IQSEC3: variants seen among roughly 807,000 people sequenced by gnomAD.
IQSEC3 encodes IQ motif and Sec7 domain ArfGEF 3.
IQSEC3 carries 50 observed loss-of-function variants against 105.4 expected under a neutral mutation model. The observed-to-expected ratio is 0.47, with a 90% CI of 0.38 to 0.60. The LOEUF (loss-of-function observed/expected upper bound fraction) is 0.60. IQSEC3 is among the 20% of genes least tolerant of loss of function. IQSEC3 has a pLI of 0.00. For synonymous variants in IQSEC3, 708 were observed against 746.0 expected (o/e 0.95, Z 0.83); for missense variants, 1,415 against 1,630.0 (o/e 0.87, Z 2.27).
chr12:120,833 A>G lies in IQSEC3; in HGVS notation c.624-4800A>G, dbSNP rs376815398. Among the ~76,000 whole-genome samples the G allele has an allele frequency of 1.1e-3, 170 of 152,292 alleles. 2 individuals carry two copies. Among genetic ancestry groups the G allele is most frequent in the African/African-American group, 4.0e-3 (166 of 41,556 alleles). ...AGCCTAATGTCATGTGAACACATCAAAGCTTTCTGTGGAAAGCTTTCTGAA... is the reference window on the plus strand; with the variant it reads ...AGCCTAATGTCATGTGAACACATCAGAGCTTTCTGTGGAAAGCTTTCTGAA... On this transcript the variant is annotated intron_variant, in intron 2 of 13. Transcript: ENST00000538872.
rs1866717619 is a variant in IQSEC3 at position 157,148 on chromosome 12, G to A, written c.2276+1G>A. The A allele has an allele frequency of 1.9e-6, 3 of 1,568,948 alleles. No individual in the cohort carries two copies. The highest frequency in any genetic ancestry group is 2.7e-5 in the African/African-American group (2 of 73,832). The stretch of plus-strand genomic sequence containing the variant: ...TGGAGCGGCTCATTGAGGCCTTCAG[G>A]TAAGGCCGCTTCCCAGCTCCACTCC... On this transcript the variant is annotated splice_donor_variant, in intron 6 of 13. Coordinates refer to ENST00000538872, the MANE Select transcript of IQSEC3 (RefSeq NM_001170738.2). LOFTEE classifies it high-confidence loss of function.
At chr12:164,269 C>G (rs1867064949) in intron 9 of IQSEC3, among the ~76,000 whole-genome samples, 1 of 152,170 alleles carries the variant, frequency 6.6e-6, no homozygotes, top group Non-Finnish European at 1.5e-5. Context: ...TGAACCACCT[C>G]TCACCACCTC....
intron 7 of IQSEC3, 26 bp from the exon 8 acceptor site, chr12:161,900 C>A: frequency 6.4e-7 from 1 of 1,561,654 alleles, no homozygotes; most frequent in Non-Finnish European, 8.7e-7. Context: ...ACCCCACCAC[C>A]ACCCCTGCCC....
At chr12:134,757 G>A (rs1299039745) in intron 3 of IQSEC3, among the ~76,000 whole-genome samples, 1 of 149,890 alleles carries the variant, frequency 6.7e-6, no homozygotes, top group East Asian at 1.9e-4. Flanking sequence ...AGTTAGCCAG[G>A]CACAGTGGCA....
intron 1 of IQSEC3, among the ~76,000 whole-genome samples, chr12:76,810 T>C (rs1256920426): frequency 2.0e-5 from 3 of 152,252 alleles, no homozygotes; most frequent in African/African-American, 7.2e-5. Context: ...AAAGCTGTAG[T>C]GTGATTTTCC....
At chr12:156,912 G>A (rs1555094425) in intron 5 of IQSEC3, 113 bp from the exon 6 acceptor site, 15 of 1,292,710 alleles carry the variant, frequency 1.2e-5, no homozygotes, top group Non-Finnish European at 1.4e-5. Context: ...CCGGGGGTGA[G>A]TAGCCTGAGG....
intron 1 of IQSEC3, among the ~76,000 whole-genome samples, chr12:76,686 G>A (rs1436009257): frequency 1.3e-5 from 2 of 152,248 alleles, no homozygotes; most frequent in Non-Finnish European, 2.9e-5. Flanking sequence ...CCCCAGAGGC[G>A]TGAGCTCCTG....
At chr12:102,611 G>A (rs141431464) in intron 2 of IQSEC3, among the ~76,000 whole-genome samples, 2 of 152,178 alleles carry the variant, frequency 1.3e-5, no homozygotes. Context: ...CCCTCCCGAA[G>A]AGGCAGAGAA....
At chr12:109,854 TTCTA>T (rs1390481210) in intron 2 of IQSEC3, among the ~76,000 whole-genome samples, 1 of 152,254 alleles carries the variant, frequency 6.6e-6, no homozygotes, top group African/African-American at 2.4e-5. Context: ...CGTTTTCTTT[TTCTA>T]TCTATCTCTA....
intron 2 of IQSEC3, among the ~76,000 whole-genome samples, chr12:104,555 A>C (rs1414497651): frequency 2.6e-4 from 35 of 135,014 alleles, no homozygotes; most frequent in South Asian, 2.1e-3. Flanking sequence ...TCCCACGCCC[A>C]TTTTAAAAAA....
intron 9 of IQSEC3, among the ~76,000 whole-genome samples, chr12:163,957 A>G (rs1324891604): frequency 4.6e-5 from 7 of 152,194 alleles, no homozygotes; most frequent in Non-Finnish European, 1.0e-4. Flanking sequence ...TGTGCCTCAG[A>G]CCCCAGGGCC....
At chr12:88,407 G>A (rs553930169) in intron 1 of IQSEC3, among the ~76,000 whole-genome samples, 2 of 152,268 alleles carry the variant, frequency 1.3e-5, no homozygotes, top group East Asian at 3.9e-4. Flanking sequence ...ATAATAAAGG[G>A]GCAGGTCACT....
intron 1 of IQSEC3, among the ~76,000 whole-genome samples, chr12:87,486 A>G (rs964074526): frequency 2.0e-5 from 3 of 152,054 alleles, no homozygotes; most frequent in African/African-American, 7.2e-5. Flanking sequence ...ATCACTAGGG[A>G]CCTCCCTAGA....
intron 1 of IQSEC3, among the ~76,000 whole-genome samples, chr12:95,524 T>A (rs1164709873): frequency 1.3e-5 from 2 of 152,220 alleles, no homozygotes; most frequent in Non-Finnish European, 2.9e-5. Flanking sequence ...TATTTAACAT[T>A]GTCAGTCAAC....
At chr12:96,398 G>A (rs1183724950) in intron 1 of IQSEC3, among the ~76,000 whole-genome samples, 2 of 152,144 alleles carry the variant, frequency 1.3e-5, no homozygotes, top group African/African-American at 4.8e-5. Flanking sequence ...AAAAAGGTGC[G>A]AGACTCTTAA....
At chr12:162,804 C>T (rs1310914671) in intron 8 of IQSEC3, among the ~76,000 whole-genome samples, 2 of 152,140 alleles carry the variant, frequency 1.3e-5, no homozygotes, top group African/African-American at 2.4e-5. Flanking sequence ...GTGATCCCTT[C>T]GCTCTCGCAC....
chr12:160,495 A>G (rs1460211953), intron 7 of IQSEC3, among the ~76,000 whole-genome samples: 6 of 152,170 alleles, frequency 3.9e-5, no homozygotes, highest in Non-Finnish European at 8.8e-5. Flanking sequence ...TTAAGTGGGA[A>G]GTGGAGTTGA....
intron 1 of IQSEC3, among the ~76,000 whole-genome samples, chr12:73,345 G>A (rs560014584): frequency 6.6e-5 from 10 of 152,252 alleles, no homozygotes; most frequent in Non-Finnish European, 1.3e-4. Flanking sequence ...AAGACTTGTC[G>A]TAAAGTTGTA....
intron 1 of IQSEC3, among the ~76,000 whole-genome samples, chr12:75,032 A>G (rs1164939501): frequency 3.9e-5 from 6 of 152,294 alleles, no homozygotes; most frequent in Admixed American, 3.9e-4. Context: ...GCCTTCCAGG[A>G]TATCTCAACT....
Sources: allele counts gnomAD v4.1 joint callset (sites outside exome capture counted in the v4.1 genomes callset), GRCh38; gene constraint gnomAD v4.1.1; transcripts MANE v1.5; gene names NCBI Gene and HGNC (gene_info 2026-07-23, HGNC 2026-07-21).